Variants in UTP11 observed in about 807,000 individuals in gnomAD.
UTP11 encodes UTP11 small subunit processome component.
UTP11 carries 29 observed loss-of-function variants against 39.0 expected under a neutral mutation model. That is an observed-to-expected ratio of 0.74 (90% CI 0.55 to 1.01). The LOEUF (loss-of-function observed/expected upper bound fraction) is 1.01. Among genes scored for constraint, UTP11 ranks in the 50% least tolerant of loss-of-function variants. The pLI is 0.00. For synonymous variants in UTP11, 111 were observed against 105.0 expected (o/e 1.06, Z -0.35); for missense variants, 281 against 306.0 (o/e 0.92, Z 0.61).
rs755557159 is a variant in UTP11, at chr1:38,019,106, G to C, written c.390G>C (p.Gly130=). The change falls in exon 5 of 8, where the codon GGG becomes GGC. Residue 130 remains glycine (G), a synonymous_variant. Transcript: ENST00000373014. ...KSELHLLDFQ[G]KQQNKHVFFF... is the part of the protein sequence containing the mutation. ...AGCTCCATCTGCTGGATTTCCAGGG[G>C]AAGCAACAGAACAAGCATGTGTTCT... is the stretch of plus-strand genomic sequence containing the variant. The C allele has an allele frequency of 1.2e-6, 2 of 1,613,888 alleles. No homozygotes were observed. The highest frequency in any genetic ancestry group is 2.7e-5 in the African/African-American group (2 of 74,872).
At position 38,024,299 on chromosome 1, in the gene UTP11, T is replaced by C. The variant is rs1432563450; in HGVS notation, c.*671T>C. On this transcript the variant is annotated 3_prime_UTR_variant, in exon 8 of 8. Transcript: ENST00000373014. ...TGTGGAGGTGGACAATTACTGTGAGTAGTCTAGTTGATTTCCTCCATTTTG... is the reference window on the plus strand; with the variant it reads ...TGTGGAGGTGGACAATTACTGTGAGCAGTCTAGTTGATTTCCTCCATTTTG... 6.6e-6 allele frequency: 1 copy of C among 152,148 alleles called. No individual in the cohort carries two copies. The highest frequency in any genetic ancestry group is 1.5e-5 in the Non-Finnish European group (1 of 68,038). 9.4% of individuals were successfully genotyped at this position (152,148 alleles called of 1,614,324 possible). A position where few individuals can be genotyped will look rare whatever the true frequency, so the allele number is the denominator to read the frequency against.
chr1:38,018,993 GTTTTT>G, intron 4 of UTP11, 61 bp from the exon 5 acceptor site: 3 of 1,101,732 alleles, frequency 2.7e-6, no homozygotes, highest in Non-Finnish European at 2.5e-6. Flanking sequence ...AACTTTTGCA[GTTTTT>G]TTTTTTTTTT....
At chr1:38,020,275 A>T (rs958908742) in intron 6 of UTP11, among the ~76,000 whole-genome samples, 3 of 151,168 alleles carry the variant, frequency 2.0e-5, no homozygotes, top group Non-Finnish European at 4.4e-5. Flanking sequence ...CTAATTTTAA[A>T]TTTTTTTTGT....
intron 3 of UTP11, among the ~76,000 whole-genome samples, chr1:38,017,999 G>C (rs961262191): frequency 1.3e-5 from 2 of 152,104 alleles, no homozygotes; most frequent in African/African-American, 4.8e-5. Flanking sequence ...CAGATGACTG[G>C]AGGTGCTACA....
Position 38,016,405 on chromosome 1 carries a change from A to G in UTP11, c.110A>G (p.Tyr37Cys). The G allele has an allele frequency of 7.4e-6, 12 of 1,614,182 alleles. No homozygotes were observed. The highest frequency in any genetic ancestry group is 1.0e-5 in the Non-Finnish European group (12 of 1,180,012). ...HLGLLEKKKD[Y>C]KLRADDYRKK... ...GGCCTGCTGGAGAAAAAGAAAGATT[A>G]CAAACTTCGTGCAGAGTGAGTTCAG... Residue 37 changes from tyrosine to cysteine, a missense_variant, in exon 2 of 8, where the codon TAC (tyrosine) becomes TGC (cysteine). Coordinates refer to ENST00000373014, the MANE Select transcript of UTP11 (RefSeq NM_016037.4).
chr1:38,016,142 C>T (rs569961670), intron 1 of UTP11, among the ~76,000 whole-genome samples: 4 of 152,386 alleles, frequency 2.6e-5, no homozygotes, highest in South Asian at 2.1e-4. Context: ...AAACCTACTA[C>T]AGCAGTGCTT....
intron 4 of UTP11, 151 bp from the exon 5 acceptor site, chr1:38,018,908 T>G: frequency 1.4e-6 from 1 of 706,708 alleles, no homozygotes; most frequent in East Asian, 2.7e-5. Flanking sequence ...ATACCTGATA[T>G]TTGTTGGGAT....
intron 6 of UTP11, among the ~76,000 whole-genome samples, chr1:38,021,221 A>G (rs748186446): frequency 5.9e-5 from 9 of 152,094 alleles, no homozygotes; most frequent in Non-Finnish European, 1.2e-4. Context: ...GCGCCCGGCA[A>G]TTAGGTGTAC....
At position 38,012,823 on chromosome 1, in the gene UTP11, G is replaced by T. The variant is rs1646685579; in HGVS notation, c.21G>T (p.Lys7Asn). 3 of 1,614,240 alleles carry T rather than the reference G, an allele frequency of 1.9e-6. No individual in the cohort carries two copies. Among genetic ancestry groups the T allele is most frequent in the South Asian group, 2.2e-5 (2 of 91,088 alleles). The change falls in exon 1 of 8, where the codon AAG becomes AAT. Residue 7 changes from lysine to asparagine, a missense_variant. By Grantham distance (94) the Lys-to-Asn change is moderately conservative. Transcript: ENST00000373014. The part of the protein sequence containing the change: MAAAFR[K>N]AAKSRQREHR... ...CAGACATGGCGGCGGCTTTTCGGAA[G>T]GCGGCTAAGTCCCGGCAGCGGGAAC... is the stretch of plus-strand genomic sequence containing the variant.
intron 2 of UTP11, 46 bp from the exon 3 acceptor site, chr1:38,017,622 C>A (rs777781794): frequency 1.8e-6 from 2 of 1,130,974 alleles, no homozygotes; most frequent in Non-Finnish European, 1.2e-6. Flanking sequence ...TTAAAATTAT[C>A]TATTTTTTTT....
At chr1:38,015,127 A>G (rs943582383) in intron 1 of UTP11, among the ~76,000 whole-genome samples, 4 of 152,104 alleles carry the variant, frequency 2.6e-5, no homozygotes, top group African/African-American at 7.2e-5. Flanking sequence ...TGTTCAAGCA[A>G]TTCTCCCAGC....
chr1:38,022,432 C>T (rs1037444468), intron 6 of UTP11, among the ~76,000 whole-genome samples: 10 of 151,504 alleles, frequency 6.6e-5, no homozygotes, highest in African/African-American at 2.4e-4. Flanking sequence ...GTCTGGAACT[C>T]CTGGGCTCAA....
In UTP11 at chr1:38,012,763, T is replaced by G; in HGVS notation, c.-40T>G. On this transcript the variant is annotated 5_prime_UTR_variant, in exon 1 of 8. Transcript: ENST00000373014. ...GACTTGGCGGCAGAGGCAGTGCGGA[T>G]CCGGCGTTCTCCACTGATCTTTTCC... 1.2e-6 allele frequency: 2 copies of G among 1,613,852 alleles called. No homozygotes were observed. Among genetic ancestry groups the G allele is most frequent in the African/African-American group, 1.3e-5 (1 of 75,060 alleles).
At chr1:38,013,915 A>G (rs1646692606) in intron 1 of UTP11, among the ~76,000 whole-genome samples, 1 of 152,182 alleles carries the variant, frequency 6.6e-6, no homozygotes, top group Non-Finnish European at 1.5e-5. Flanking sequence ...GGGTTTTGTC[A>G]GATTGGCCAG....
chr1:38,023,711 G>A lies in UTP11; in HGVS notation c.*83G>A. 1.6e-6 allele frequency: 2 copies of A among 1,262,324 alleles called. No individual in the cohort carries two copies. Among genetic ancestry groups the A allele is most frequent in the Non-Finnish European group, 1.1e-6 (1 of 907,058 alleles). 78.2% of individuals were successfully genotyped at this position (1,262,324 alleles called of 1,614,324 possible). ...ACTTCAAATTCCATTACTCCAAATGGCATGGTTTTCCGGTTTGTAACCATA... is the reference window on the plus strand; with the variant it reads ...ACTTCAAATTCCATTACTCCAAATGACATGGTTTTCCGGTTTGTAACCATA... On this transcript the variant is annotated 3_prime_UTR_variant, in exon 8 of 8. Transcript: ENST00000373014.
intron 1 of UTP11, among the ~76,000 whole-genome samples, chr1:38,015,314 C>T (rs561661616): frequency 6.6e-6 from 1 of 152,318 alleles, no homozygotes; most frequent in Non-Finnish European, 1.5e-5. Flanking sequence ...AGCCACTGCA[C>T]CCGGCCTATT....
chr1:38,017,838 T>C, intron 3 of UTP11, 68 bp downstream of exon 3: 3 of 1,358,594 alleles, frequency 2.2e-6, no homozygotes, highest in Non-Finnish European at 3.1e-6. Context: ...AGGGAGGAGA[T>C]GGAGAGGAAG....
At position 38,023,656 on chromosome 1, in the gene UTP11, G is replaced by A. The variant is rs776238235; in HGVS notation, c.*28G>A. ...TGTTATAGATAAGCCTTGTCATTCT[G>A]TATCAAAAATCTGTTGTCGTTTTCT... On this transcript the variant is annotated 3_prime_UTR_variant, in exon 8 of 8. Transcript: ENST00000373014. 6 of 1,576,602 alleles carry A rather than the reference G, an allele frequency of 3.8e-6. No homozygotes were observed. In the South Asian group the frequency reaches 5.9e-5, roughly 16 times the overall value.
chr1:38,019,584 A>T (rs542110449), intron 6 of UTP11, among the ~76,000 whole-genome samples: 22 of 152,000 alleles, frequency 1.4e-4, no homozygotes, highest in Non-Finnish European at 2.6e-4. Context: ...CCTGGGTTCA[A>T]GCAATTCTCA....
Sources: allele counts gnomAD v4.1 joint callset (sites outside exome capture counted in the v4.1 genomes callset), GRCh38; gene constraint gnomAD v4.1.1; transcripts MANE v1.5; gene names NCBI Gene and HGNC (gene_info 2026-07-23, HGNC 2026-07-21).